Variants in LATS2 observed in about 807,000 individuals in gnomAD.
LATS2 encodes large tumor suppressor kinase 2.
In LATS2, 24 loss-of-function variants were observed where a neutral mutation model predicts 76.0. The ratio of observed to expected loss-of-function variants is 0.32; its 90% CI spans 0.23 to 0.44. The LOEUF is 0.44. Ranked by LOEUF, LATS2 falls within the 20% of genes least tolerant of loss-of-function variation. The pLI, the probability that LATS2 is intolerant of heterozygous loss-of-function variation, is 1.00. For synonymous variants in LATS2, 692 were observed against 635.4 expected (o/e 1.09, Z -1.34); for missense variants, 1,286 against 1,481.2 (o/e 0.87, Z 2.16).
rs141134318 is a variant in LATS2, at chr13:21,029,567, C to T, written c.342+16118G>A. On this transcript the variant is annotated intron_variant, in intron 2 of 7. Coordinates refer to ENST00000382592, the MANE Select transcript of LATS2 (RefSeq NM_014572.3). ...CAGGACTTTGGGAGGCCAAGGCAGG[C>T]GTATCACGAGGTCAGGAGTTCGAGA... Among the ~76,000 whole-genome samples the T allele has an allele frequency of 2.6e-3, 394 of 151,976 alleles. 2 individuals carry two copies. Among genetic ancestry groups the T allele is most frequent in the Admixed American group, 4.8e-3 (74 of 15,260 alleles).
intron 1 of LATS2, among the ~76,000 whole-genome samples, chr13:21,058,945 A>G (rs1233648999): frequency 6.6e-6 from 1 of 151,902 alleles, no homozygotes; most frequent in Non-Finnish European, 1.5e-5. Flanking sequence ...GTTACAGAAA[A>G]AAAAAAAACA....
intron 4 of LATS2, among the ~76,000 whole-genome samples, chr13:20,984,033 C>T (rs577114678): frequency 2.6e-5 from 4 of 152,316 alleles, no homozygotes; most frequent in Admixed American, 2.0e-4. Context: ...TGGGTTCCAG[C>T]GATTCTGCTG....
At chr13:20,975,728 G>C (rs1215565600) in intron 7 of LATS2, among the ~76,000 whole-genome samples, 1 of 152,130 alleles carries the variant, frequency 6.6e-6, no homozygotes. Context: ...GTGTTGCCCA[G>C]GTTGGAGTGC....
intron 2 of LATS2, among the ~76,000 whole-genome samples, chr13:21,002,781 C>CTCAAACT (rs1871107296): frequency 6.6e-6 from 1 of 152,156 alleles, no homozygotes; most frequent in Non-Finnish European, 1.5e-5. Flanking sequence ...CAGCCTCTAA[C>CTCAAACT]TCCTGGGCTC....
chr13:20,988,994 C>A lies in LATS2; in HGVS notation c.786G>T (p.Gly262=). ...GCTGCACTCCGTAGCCCAGGGGTTC[C>A]CCAGGCACCAGCAGGTGCGGCCGCC... ...HYGRPHLLVP[G]EPLGYGVQRS... Residue 262 remains glycine, a synonymous_variant, in exon 4 of 8, where the codon GGG becomes GGT. Coordinates refer to ENST00000382592, the MANE Select transcript of LATS2 (RefSeq NM_014572.3). 1 of 1,545,576 alleles carries A rather than the reference C, an allele frequency of 6.5e-7. No individual in the cohort carries two copies. Among genetic ancestry groups the A allele is most frequent in the South Asian group, 1.2e-5 (1 of 85,410 alleles).
At chr13:20,994,513 G>A (rs1051985504) in intron 2 of LATS2, among the ~76,000 whole-genome samples, 28 of 152,208 alleles carry the variant, frequency 1.8e-4, no homozygotes, top group Admixed American at 7.8e-4. Flanking sequence ...GCAAGAGGTC[G>A]GAGCCAGGAT....
At chr13:21,005,492 C>T (rs1259183305) in intron 2 of LATS2, 4 of 152,206 alleles carry the variant, frequency 2.6e-5, no homozygotes, top group Admixed American at 2.0e-4. Context: ...AGTTCCTCTG[C>T]AAGCTTCATT....
chr13:20,988,610 C>G lies in LATS2; in HGVS notation c.1170G>C (p.Pro390=). The G allele has an allele frequency of 1.9e-6, 3 of 1,589,218 alleles. No homozygotes were observed. The highest frequency in any genetic ancestry group is 4.5e-5 in the East Asian group (2 of 44,394). ...CAGGCCGGAAGGCCACGTGCGCGCG[C>G]GGCGGCGCCTCCAGGCCCGGCTTCT... ...SLQKPGLEAP[P]RAHVAFRPDC... The change falls in exon 4 of 8, where the codon CCG becomes CCC. Residue 390 remains proline, a synonymous_variant. Transcript: ENST00000382592.
intron 2 of LATS2, among the ~76,000 whole-genome samples, chr13:21,043,092 G>T (rs956502184): frequency 6.6e-6 from 1 of 152,132 alleles, no homozygotes; most frequent in Non-Finnish European, 1.5e-5. Flanking sequence ...CCAGCACCTT[G>T]GGAGGCCGAA....
rs151223161 is a variant in LATS2 at position 20,983,472 on chromosome 13, A to G, written c.2234T>C (p.Met745Thr). The G allele has an allele frequency of 6.2e-7, 1 of 1,614,182 alleles. No individual in the cohort carries two copies. Among genetic ancestry groups the G allele is most frequent in the Non-Finnish European group, 8.5e-7 (1 of 1,180,022 alleles). The change falls in exon 5 of 8, where the codon ATG becomes ACG. Residue 745 changes from methionine (M) to threonine (T), a missense_variant. Met to Thr is a moderately conservative substitution (Grantham distance 81, BLOSUM62 -1). Around this residue, in one of 5 missense-constraint regions of LATS2, gnomAD observed 247 missense variants for 385.4 expected, o/e 0.64. Coordinates refer to ENST00000382592, the MANE Select transcript of LATS2 (RefSeq NM_014572.3). ...CATGTCCCCACCAGGGATGTAGTCC[A>G]TCACAAAGTACAGGCTGTCTTTGTC... ...FQDKDSLYFV[M>T]DYIPGGDMMS...
chr13:21,009,582 T>C (rs201430841), intron 2 of LATS2, among the ~76,000 whole-genome samples: 1 of 152,264 alleles, frequency 6.6e-6, no homozygotes, highest in Non-Finnish European at 1.5e-5. Flanking sequence ...TCCAGGTATA[T>C]GTGGTGCATT....
In LATS2 at chr13:21,003,693, C is replaced by T. The variant is rs552045516; in HGVS notation, c.343-12289G>A. Among the ~76,000 whole-genome samples the T allele has an allele frequency of 1.1e-4, 16 of 152,182 alleles. No individual in the cohort carries two copies. The South Asian group carries it at 2.5e-3, about 24-fold the overall frequency. On this transcript the variant is annotated intron_variant, in intron 2 of 7. Coordinates refer to ENST00000382592, the MANE Select transcript of LATS2 (RefSeq NM_014572.3). ...CTGATCTCAAGTGATCCAGCCACCT[C>T]GGCCTCCCAAAGTGCTGGGATTACA...
intron 6 of LATS2, among the ~76,000 whole-genome samples, chr13:20,980,921 C>T (rs594669): frequency 0.75 from 113,752 of 152,134 alleles, 43,589 homozygotes; most frequent in Middle Eastern, 0.87. Flanking sequence ...TTGCATTTGA[C>T]AGAATGAAGC....
intron 1 of LATS2, among the ~76,000 whole-genome samples, chr13:21,052,310 T>G (rs1017382369): frequency 1.3e-5 from 2 of 152,196 alleles, no homozygotes; most frequent in Admixed American, 6.5e-5. Context: ...ATTACCAAAC[T>G]GAACACAGAA....
intron 2 of LATS2, among the ~76,000 whole-genome samples, chr13:21,009,160 T>A (rs1871473840): frequency 1.3e-5 from 2 of 152,150 alleles, no homozygotes; most frequent in South Asian, 4.1e-4. Context: ...TGGTGAGTGA[T>A]GAATGAACAA....
intron 2 of LATS2, among the ~76,000 whole-genome samples, chr13:21,022,807 G>A (rs958110920): frequency 2.6e-5 from 4 of 151,552 alleles, no homozygotes; most frequent in East Asian, 1.9e-4. Flanking sequence ...TCCACCCTGC[G>A]AGAGAATAAA....
intron 7 of LATS2, among the ~76,000 whole-genome samples, chr13:20,976,283 T>C (rs1215667372): frequency 1.3e-5 from 2 of 152,182 alleles, no homozygotes; most frequent in Non-Finnish European, 2.9e-5. Context: ...TTAGTGGGTG[T>C]GTGGGTGGTA....
intron 2 of LATS2, among the ~76,000 whole-genome samples, chr13:21,022,414 C>G (rs563563851): frequency 6.6e-6 from 1 of 152,110 alleles, no homozygotes; most frequent in Non-Finnish European, 1.5e-5. Flanking sequence ...CAAACACAAC[C>G]CCCACTAGCC....
chr13:20,990,700 G>A (rs1870470434), intron 3 of LATS2, among the ~76,000 whole-genome samples: 1 of 152,010 alleles, frequency 6.6e-6, no homozygotes, highest in South Asian at 2.1e-4. Flanking sequence ...CAATCACAGG[G>A]CCCATGTGCT....
Sources: allele counts gnomAD v4.1 joint callset (sites outside exome capture counted in the v4.1 genomes callset), GRCh38; gene constraint gnomAD v4.1.1; regional missense constraint gnomAD v4.1.1; transcripts MANE v1.5; gene names NCBI Gene and HGNC (gene_info 2026-07-23, HGNC 2026-07-21).